The following WDR44 variants were observed in gnomAD, a reference collection of about 807,000 sequenced individuals.
The protein encoded by WDR44 is WD repeat domain 44.
A neutral mutation model predicts 65.7 loss-of-function variants in WDR44; 9 were observed. The ratio of observed to expected loss-of-function variants is 0.14; its 90% CI spans 0.08 to 0.24. The LOEUF (loss-of-function observed/expected upper bound fraction) is 0.24, where lower values mean the gene tolerates loss of function less well. Among genes scored for constraint, WDR44 ranks in the 10% least tolerant of loss-of-function variants. The pLI, the probability that WDR44 is intolerant of heterozygous loss-of-function variation, is 1.00. For missense variants in WDR44, 425 were observed against 670.9 expected (o/e 0.63, Z 4.05); for synonymous variants, 220 against 235.2 (o/e 0.94, Z 0.59).
chrX:118,375,176 G>GT (rs374967236), intron 1 of WDR44, among the ~76,000 whole-genome samples: 1,368 of 109,518 alleles, frequency 0.012, 18 homozygotes, highest in African/African-American at 0.043. Context: ...TGGCTTCCTG[G>GT]TTTTTTTTTG....
rs761568030 is a variant in WDR44 at position 118,394,074 on chromosome X, G to A, written c.846G>A (p.Thr282=). The A allele has an allele frequency of 3.6e-5, 44 of 1,207,739 alleles. No individual in the cohort carries two copies. Among genetic ancestry groups the A allele is most frequent in the African/African-American group, 1.8e-4 (10 of 57,140 alleles). The change falls in exon 5 of 20, where the codon ACG becomes ACA. Residue 282 remains threonine (T), a synonymous_variant. Coordinates refer to ENST00000254029, the MANE Select transcript of WDR44 (RefSeq NM_019045.5). ...TTGCAGTTCCCAAAGAGAATATTAC[G>A]TCTGATTCTCTCCTAACCGCAAGCA... ...PDIDVPKENI[T]SDSLLTASMA...
intron 19 of WDR44, 76 bp from the exon 20 acceptor site, chrX:118,448,817 G>A (rs1398187004): frequency 3.0e-5 from 20 of 660,065 alleles, no homozygotes; most frequent in Non-Finnish European, 4.5e-5. Context: ...GGAGGGTCAT[G>A]GGCATGTGAT....
intron 13 of WDR44, among the ~76,000 whole-genome samples, chrX:118,435,120 A>G (rs1265805971): frequency 1.8e-5 from 2 of 112,355 alleles, no homozygotes; most frequent in East Asian, 5.6e-4. Flanking sequence ...TAAAAGAACA[A>G]GTCTTTCTTA....
At chrX:118,430,610 C>T (rs1032696046) in intron 12 of WDR44, among the ~76,000 whole-genome samples, 12 of 108,293 alleles carry the variant, frequency 1.1e-4, no homozygotes, top group Middle Eastern at 4.2e-3. Flanking sequence ...GAGGCCGAGG[C>T]GGGTGGATCA....
At chrX:118,402,076 A>G (rs1464610513) in intron 8 of WDR44, among the ~76,000 whole-genome samples, 1 of 108,841 alleles carries the variant, frequency 9.2e-6, no homozygotes, top group African/African-American at 3.4e-5. Context: ...CAGCACTAAT[A>G]ATATATATAT....
At position 118,395,323 on chromosome X, in the gene WDR44, T is replaced by C; in HGVS notation, c.1032T>C (p.Ser344=). 8.3e-7 allele frequency: 1 copy of C among 1,208,495 alleles called. No individual in the cohort carries two copies. The change falls in exon 6 of 20, where the codon TCT becomes TCC. Residue 344 remains serine (S), a synonymous_variant. Coordinates refer to ENST00000254029, the MANE Select transcript of WDR44 (RefSeq NM_019045.5). ...GCCCTCAGAGACCTAGATCCAACTC[T>C]GGGAGAGAGCTTACTGATGAGGTAG... ...VMGPQRPRSN[S]GRELTDEEIL...
At chrX:118,442,415 C>A in intron 16 of WDR44, 70 bp downstream of exon 16, 1 of 995,148 alleles carries the variant, frequency 1.0e-6, no homozygotes, top group Non-Finnish European at 1.4e-6. Context: ...AATATCTTGG[C>A]AAAAAAATGT....
At chrX:118,411,924 T>C (rs2057016156) in intron 12 of WDR44, among the ~76,000 whole-genome samples, 1 of 112,393 alleles carries the variant, frequency 8.9e-6, no homozygotes, top group Admixed American at 9.5e-5. Context: ...GCCTGCTATA[T>C]GTGGCAGACA....
At chrX:118,373,377 G>C (rs1223493638) in intron 1 of WDR44, among the ~76,000 whole-genome samples, 2 of 111,560 alleles carry the variant, frequency 1.8e-5, no homozygotes, top group Non-Finnish European at 1.9e-5. Context: ...TTTACAAGCT[G>C]CTTTTGAGAT....
At chrX:118,409,455 A>C (rs1042994979) in intron 10 of WDR44, 34 bp from the exon 11 acceptor site, 32 of 1,197,645 alleles carry the variant, frequency 2.7e-5, no homozygotes, top group Non-Finnish European at 3.5e-5. Flanking sequence ...AAAGGTGTAA[A>C]GTATTAACTT....
intron 1 of WDR44, among the ~76,000 whole-genome samples, chrX:118,348,477 G>A (rs1199014216): frequency 8.9e-6 from 1 of 111,738 alleles, no homozygotes; most frequent in Non-Finnish European, 1.9e-5. Context: ...ACTTTAACCT[G>A]CCCAATTACT....
intron 1 of WDR44, among the ~76,000 whole-genome samples, chrX:118,360,069 CT>C (rs764240602): frequency 8.9e-6 from 1 of 111,908 alleles, no homozygotes; most frequent in Non-Finnish European, 1.9e-5. Context: ...GGTATTATCA[CT>C]TTTGGTAGTA....
At position 118,409,474 on chromosome X, in the gene WDR44, CT is replaced by C; in HGVS notation, c.1534-11del. The C allele has an allele frequency of 2.5e-6, 3 of 1,205,188 alleles. No homozygotes were observed. The Admixed American group carries it at 6.8e-5, about 27-fold the overall frequency. The stretch of plus-strand genomic sequence containing the variant: ...GTGTAAAGTATTAACTTTGAAACTT[CT>C]TTTGTTTTCATAGGGAGCTGTTTGG... On this transcript the variant is annotated splice_polypyrimidine_tract_variant and intron_variant, in intron 10 of 19. Coordinates refer to ENST00000254029, the MANE Select transcript of WDR44 (RefSeq NM_019045.5).
At chrX:118,411,994 T>C (rs907845562) in intron 12 of WDR44, among the ~76,000 whole-genome samples, 6 of 112,270 alleles carry the variant, frequency 5.3e-5, no homozygotes, top group Non-Finnish European at 1.1e-4. Flanking sequence ...TCTTGTGAAC[T>C]AGTGAAATGG....
At chrX:118,423,832 T>C (rs1030334836) in intron 12 of WDR44, among the ~76,000 whole-genome samples, 1 of 112,323 alleles carries the variant, frequency 8.9e-6, no homozygotes, top group Non-Finnish European at 1.9e-5. Flanking sequence ...AGATTCATCA[T>C]ATAAGTGGCA....
At chrX:118,379,812 AAC>A (rs893353327) in intron 2 of WDR44, among the ~76,000 whole-genome samples, 7 of 111,933 alleles carry the variant, frequency 6.3e-5, no homozygotes, top group African/African-American at 1.9e-4. Flanking sequence ...ATTTAATAAA[AAC>A]AGTCTTTAAA....
intron 17 of WDR44, 46 bp downstream of exon 17, chrX:118,442,726 C>T (rs752788388): frequency 2.3e-4 from 234 of 1,036,617 alleles, no homozygotes; most frequent in Admixed American, 2.9e-4. Context: ...GGACATTTCT[C>T]CCCTAGTTCC....
At chrX:118,411,092 C>A in intron 12 of WDR44, 133 bp downstream of exon 12, 1 of 530,157 alleles carries the variant, frequency 1.9e-6, no homozygotes, top group Non-Finnish European at 2.8e-6. Flanking sequence ...TCATTAGAAC[C>A]AAGAGTTTCT....
rs2056396886 is a variant in WDR44 at position 118,350,768 on chromosome X, A to T, written c.77+4188A>T. On this transcript the variant is annotated intron_variant, in intron 1 of 19. Transcript: ENST00000254029. ...TAACATTTTCAGCACTCTTTTTTTTAGTGGCAGCCAAAATATTTTTGAGGC... is the reference window on the plus strand; with the variant it reads ...TAACATTTTCAGCACTCTTTTTTTTTGTGGCAGCCAAAATATTTTTGAGGC... 4.5e-5 allele frequency among the ~76,000 whole-genome samples: 5 copies of T among 111,840 alleles called. No homozygotes were observed. In the Admixed American group the frequency reaches 4.8e-4, roughly 11 times the overall value.
Sources: gnomAD v4.1 joint callset for allele counts (sites outside exome capture counted in the v4.1 genomes callset) on GRCh38, gnomAD v4.1.1 for gene constraint, MANE v1.5 for transcripts, NCBI Gene and HGNC (gene_info 2026-07-23, HGNC 2026-07-21) for gene names.